The following MCF2L2 variants were observed in gnomAD, a reference collection of about 807,000 sequenced individuals.
The protein encoded by MCF2L2 is probable guanine nucleotide exchange factor MCF2L2.
In MCF2L2, 102 loss-of-function variants were observed where a neutral mutation model predicts 150.2. The ratio of observed to expected loss-of-function variants is 0.68; its 90% CI spans 0.58 to 0.80. MCF2L2 has a LOEUF of 0.80. Among genes scored for constraint, MCF2L2 ranks in the 30% least tolerant of loss-of-function variants. The probability of loss-of-function intolerance (pLI) is 0.00; values close to 1 mark genes in which losing one functional copy is unlikely to be tolerated. For missense variants in MCF2L2, 1,256 were observed against 1,372.8 expected, an observed-to-expected ratio of 0.91 and a Z score of 1.34; for synonymous variants, 465 against 491.3, an observed-to-expected ratio of 0.95 and a Z score of 0.71.
intron 15 of MCF2L2, chr3:183,253,613 G>A (rs1035148487): frequency 1.3e-5 from 2 of 152,340 alleles, no homozygotes; most frequent in African/African-American, 4.8e-5. Context: ...ACGCATAAGT[G>A]GTGTGACCAG....
intron 3 of MCF2L2, among the ~76,000 whole-genome samples, chr3:183,343,867 A>C (rs1461748667): frequency 6.6e-6 from 1 of 152,198 alleles, no homozygotes; most frequent in Non-Finnish European, 1.5e-5. Context: ...TGCAGTAAGT[A>C]AAATTACTTT....
At position 183,228,358 on chromosome 3, in the gene MCF2L2, A is replaced by T. The variant is rs756025663; in HGVS notation, c.2054T>A (p.Leu685Gln). ...CTCAGCACACTTTTCCAACTCTTTT[A>T]GAAAAGTCCTAGAAAAATAAAAGTA... is the stretch of plus-strand genomic sequence containing the variant. ...ELYEFHNRTF[L>Q]KELEKCAENP... Residue 685 changes from leucine (L) to glutamine (Q), a missense_variant, in exon 18 of 30, where the codon CTA becomes CAA. Physicochemically the swap from Leu to Gln is moderately radical, Grantham distance 113. Coordinates refer to ENST00000328913, the MANE Select transcript of MCF2L2 (RefSeq NM_015078.4). 6.2e-7 allele frequency: 1 copy of T among 1,610,408 alleles called. No homozygotes were observed. Among genetic ancestry groups the T allele is most frequent in the Non-Finnish European group, 8.5e-7 (1 of 1,176,994 alleles).
chr3:183,179,204 G>A lies in MCF2L2; in HGVS notation c.*176C>T. On this transcript the variant is annotated 3_prime_UTR_variant, in exon 30 of 30. Transcript: ENST00000328913. The surrounding 1 kb of genome is among the most constrained non-coding windows in gnomAD (Gnocchi z 4.2). ...TCCGAGGTCCCCCGTGCGGAGCTAG[G>A]CGCGCACCCAGGACACCCCTCGGGC... 1.2e-6 allele frequency: 1 copy of A among 853,154 alleles called. No individual in the cohort carries two copies. Among genetic ancestry groups the A allele is most frequent in the East Asian group, 3.3e-5 (1 of 29,950 alleles). The allele number at this position is 853,154 out of a possible 1,614,324, so 52.8% of individuals were successfully genotyped here.
chr3:183,391,872 A>C (rs577352245), intron 1 of MCF2L2, among the ~76,000 whole-genome samples: 29 of 152,142 alleles, frequency 1.9e-4, no homozygotes, highest in African/African-American at 6.5e-4. Context: ...TTATTTGTTC[A>C]TACCTGAGCA....
chr3:183,400,285 T>C (rs1457786364), intron 1 of MCF2L2: 3 of 318,594 alleles, frequency 9.4e-6, no homozygotes, highest in Non-Finnish European at 1.3e-5. Context: ...CTTTAAATCA[T>C]TATGCTAAGA....
At chr3:183,217,068 C>T (rs1576930858) in intron 21 of MCF2L2, among the ~76,000 whole-genome samples, 1 of 150,788 alleles carries the variant, frequency 6.6e-6, no homozygotes, top group East Asian at 2.0e-4. Flanking sequence ...CTGAGACAGG[C>T]AGAGCACTTG....
At chr3:183,427,413 G>A (rs1482839808) in intron 1 of MCF2L2, among the ~76,000 whole-genome samples, 1 of 152,202 alleles carries the variant, frequency 6.6e-6, no homozygotes, top group Non-Finnish European at 1.5e-5. Flanking sequence ...AGTAAAACAG[G>A]CCTAGCGGCC....
chr3:183,416,267 G>T (rs1342380794), intron 1 of MCF2L2, among the ~76,000 whole-genome samples: 1 of 152,082 alleles, frequency 6.6e-6, no homozygotes, highest in Non-Finnish European at 1.5e-5. Context: ...TACAGAATCT[G>T]AGACAAGAAA....
intron 3 of MCF2L2, among the ~76,000 whole-genome samples, chr3:183,368,325 T>C (rs532937425): frequency 4.6e-5 from 7 of 152,290 alleles, no homozygotes; most frequent in Admixed American, 1.3e-4. Context: ...GCCAACAAAC[T>C]ACCATCCATC....
At chr3:183,301,085 C>T (rs1324567127) in intron 10 of MCF2L2, among the ~76,000 whole-genome samples, 1 of 150,750 alleles carries the variant, frequency 6.6e-6, no homozygotes. Context: ...AGGGCCCTGT[C>T]TACACTGACC....
chr3:183,259,887 T>C (rs1725430131), intron 15 of MCF2L2, among the ~76,000 whole-genome samples: 1 of 151,618 alleles, frequency 6.6e-6, no homozygotes, highest in Non-Finnish European at 1.5e-5. Flanking sequence ...TGAAAAAGAG[T>C]GTGTTAGTGA....
At position 183,310,987 on chromosome 3, in the gene MCF2L2, G is replaced by T; in HGVS notation, c.921C>A (p.His307Gln). The T allele has an allele frequency of 6.2e-7, 1 of 1,613,956 alleles. No homozygotes were observed. ...GCTTCAGATGATGCTCAGACCAAAAGTGACTAAAGGCTTTTTCTGTTTCAT... is the reference window on the plus strand; with the variant it reads ...GCTTCAGATGATGCTCAGACCAAAATTGACTAAAGGCTTTTTCTGTTTCAT... ...QLDETEKAFSHFWSEHHLKLN... is the reference protein window; with the variant it reads ...QLDETEKAFSQFWSEHHLKLN... Residue 307 changes from histidine to glutamine, a missense_variant, in exon 9 of 30, where the codon CAC becomes CAA. His to Gln is a conservative substitution (Grantham distance 24). Transcript: ENST00000328913.
Position 183,300,820 on chromosome 3 carries a change from G to A in MCF2L2, c.1114-624C>T, listed in dbSNP as rs187912855. 7.0e-4 allele frequency among the ~76,000 whole-genome samples: 106 copies of A among 151,766 alleles called. 1 individual carries two copies. The highest frequency in any genetic ancestry group is 2.5e-3 in the African/African-American group (104 of 41,382). ...TCACCTGAGGTCAGGAGTTCAAGAC[G>A]CGCCTGACCAACGTGGAAAAACCCC... is the stretch of plus-strand genomic sequence containing the variant. On this transcript the variant is annotated intron_variant, in intron 10 of 29. Transcript: ENST00000328913.
chr3:183,300,243 T>G (rs766110396), intron 10 of MCF2L2, 47 bp from the exon 11 acceptor site: 4 of 1,532,596 alleles, frequency 2.6e-6, no homozygotes, highest in Non-Finnish European at 3.5e-6. Context: ...CAGAGCATCA[T>G]GAGGCTGAGA....
At chr3:183,350,509 A>G (rs547506580) in intron 3 of MCF2L2, among the ~76,000 whole-genome samples, 1 of 152,294 alleles carries the variant, frequency 6.6e-6, no homozygotes, top group South Asian at 2.1e-4. Flanking sequence ...TACTCGCTCT[A>G]TGAGGTTGGT....
intron 16 of MCF2L2, 69 bp downstream of exon 16, chr3:183,230,882 T>C: frequency 8.1e-7 from 1 of 1,230,936 alleles, no homozygotes; most frequent in Non-Finnish European, 1.2e-6. Context: ...CTATTTTGAG[T>C]CTCTTTGTAC....
intron 3 of MCF2L2, among the ~76,000 whole-genome samples, chr3:183,365,589 C>T (rs1712474062): frequency 6.6e-6 from 1 of 152,166 alleles, no homozygotes; most frequent in African/African-American, 2.4e-5. Flanking sequence ...AAACTTGGAT[C>T]TATACTTCAT....
At chr3:183,213,520 G>C (rs1373463881) in intron 22 of MCF2L2, among the ~76,000 whole-genome samples, 2 of 151,956 alleles carry the variant, frequency 1.3e-5, no homozygotes, top group Admixed American at 1.3e-4. Context: ...ATTTCAAGCA[G>C]AGAAACTAAG....
intron 21 of MCF2L2, among the ~76,000 whole-genome samples, chr3:183,216,572 ATATATATATTTTTTTTTTTTTT>A (rs1293789561): frequency 0.024 from 449 of 19,080 alleles, 21 homozygotes; most frequent in East Asian, 0.07. Flanking sequence ...ATATATATAT[ATATATATATTTTTTTTTTTTTT>A]TTTTTTTTTT....
Sources: gnomAD v4.1 joint callset for allele counts (sites outside exome capture counted in the v4.1 genomes callset) on GRCh38, gnomAD v4.1.1 for gene constraint, Gnocchi (gnomAD v3.1) non-coding constraint, MANE v1.5 for transcripts, NCBI Gene and HGNC (gene_info 2026-07-23, HGNC 2026-07-21) for gene names.